The following XKR6 variants were observed in gnomAD, a reference collection of about 807,000 sequenced individuals.
The protein encoded by XKR6 is XK related 6, also known as XK-related protein 6.
In XKR6, 22 loss-of-function variants were observed where a neutral mutation model predicts 56.7. That is an observed-to-expected ratio of 0.39 (90% confidence interval 0.28 to 0.55). The LOEUF (loss-of-function observed/expected upper bound fraction) is 0.55, where lower values mean the gene tolerates loss of function less well. XKR6 is among the 20% of genes least tolerant of loss of function. The pLI, the probability that XKR6 is intolerant of heterozygous loss-of-function variation, is 0.66. For synonymous variants in XKR6, 524 were observed against 387.8 expected (o/e 1.35, Z -4.13); for missense variants, 852 against 889.0 (o/e 0.96, Z 0.53).
intron 1 of XKR6, among the ~76,000 whole-genome samples, chr8:10,946,132 C>A (rs75202192): frequency 1.3e-5 from 2 of 152,082 alleles, no homozygotes; most frequent in Non-Finnish European, 2.9e-5. Flanking sequence ...ACACACACCT[C>A]CCTGTGTCAC....
At chr8:11,100,522 A>AGGAT (rs897099900) in intron 1 of XKR6, among the ~76,000 whole-genome samples, 44 of 152,184 alleles carry the variant, frequency 2.9e-4, no homozygotes, top group Non-Finnish European at 5.7e-4. Flanking sequence ...AGTGGCTGGG[A>AGGAT]GGATGGCACG....
intron 1 of XKR6, among the ~76,000 whole-genome samples, chr8:10,938,844 A>G (rs1263160156): frequency 6.6e-6 from 1 of 152,242 alleles, no homozygotes; most frequent in African/African-American, 2.4e-5. Context: ...ATTTTACTCT[A>G]TGTAAATGTT....
At chr8:11,010,930 A>G (rs1372203003) in intron 1 of XKR6, among the ~76,000 whole-genome samples, 32 of 152,212 alleles carry the variant, frequency 2.1e-4, no homozygotes, top group Non-Finnish European at 2.9e-5. Context: ...ACCGCTGGTT[A>G]TGTCAACTGT....
chr8:11,197,477 A>G (rs1563213703), intron 1 of XKR6, among the ~76,000 whole-genome samples: 1 of 152,218 alleles, frequency 6.6e-6, no homozygotes, highest in Non-Finnish European at 1.5e-5. Context: ...TCTATTAACA[A>G]CACATTGTAC....
intron 2 of XKR6, among the ~76,000 whole-genome samples, chr8:10,915,220 C>T (rs1216193774): frequency 1.3e-5 from 2 of 152,232 alleles, no homozygotes; most frequent in Admixed American, 6.5e-5. Flanking sequence ...TTTTTCATTG[C>T]TGTATCTGTC....
intron 1 of XKR6, among the ~76,000 whole-genome samples, chr8:11,011,433 G>C (rs1030768623): frequency 6.6e-6 from 1 of 152,216 alleles, no homozygotes; most frequent in African/African-American, 2.4e-5. Context: ...TGAGCACCAG[G>C]CTGAGGAGGG....
intron 1 of XKR6, among the ~76,000 whole-genome samples, chr8:11,166,273 T>C (rs1259420116): frequency 6.6e-6 from 1 of 152,206 alleles, no homozygotes; most frequent in Non-Finnish European, 1.5e-5. Context: ...TTATCGCTGC[T>C]TTGGGTCATT....
At chr8:11,002,659 C>T (rs543873421) in intron 1 of XKR6, among the ~76,000 whole-genome samples, 3 of 152,340 alleles carry the variant, frequency 2.0e-5, no homozygotes, top group African/African-American at 7.2e-5. Flanking sequence ...ATCATTCTCA[C>T]CACGCCAACC....
intron 1 of XKR6, among the ~76,000 whole-genome samples, chr8:11,156,152 C>T (rs954853491): frequency 6.6e-6 from 1 of 152,148 alleles, no homozygotes; most frequent in South Asian, 2.1e-4. Flanking sequence ...ACATCCAGTC[C>T]CTTCCCTCTT....
At chr8:11,132,948 A>C (rs1470518657) in intron 1 of XKR6, among the ~76,000 whole-genome samples, 1 of 152,130 alleles carries the variant, frequency 6.6e-6, no homozygotes, top group African/African-American at 2.4e-5. Context: ...AAAAAGATAC[A>C]AGTAAAAAAG....
chr8:10,947,082 A>C (rs888647195), intron 1 of XKR6, among the ~76,000 whole-genome samples: 4 of 152,062 alleles, frequency 2.6e-5, no homozygotes, highest in African/African-American at 9.7e-5. Context: ...CAGGAGGCTC[A>C]CTCTGGCTGC....
At chr8:10,926,603 C>G (rs547671512) in intron 1 of XKR6, among the ~76,000 whole-genome samples, 1 of 152,366 alleles carries the variant, frequency 6.6e-6, no homozygotes, top group East Asian at 1.9e-4. Context: ...GTTGGGGCAC[C>G]AGGCCCCCCA....
At chr8:11,167,446 C>T (rs144294329) in intron 1 of XKR6, among the ~76,000 whole-genome samples, 283 of 152,286 alleles carry the variant, frequency 1.9e-3, no homozygotes, top group African/African-American at 6.5e-3. Context: ...ATGCTTAAAA[C>T]TCAAAACTCA....
At chr8:11,082,782 C>T (rs984693458) in intron 1 of XKR6, among the ~76,000 whole-genome samples, 8 of 152,174 alleles carry the variant, frequency 5.3e-5, no homozygotes, top group African/African-American at 9.7e-5. Context: ...GGGCCGTCCT[C>T]GAACACTCTC....
intron 2 of XKR6, among the ~76,000 whole-genome samples, chr8:10,899,263 C>A (rs1456394632): frequency 6.6e-6 from 1 of 152,252 alleles, no homozygotes; most frequent in Non-Finnish European, 1.5e-5. Context: ...ATTCTTGTGG[C>A]ACACAGATGT....
intron 1 of XKR6, chr8:11,128,947 C>A (rs530067115): frequency 1.6e-4 from 73 of 456,550 alleles, no homozygotes; most frequent in Non-Finnish European, 2.9e-4. Flanking sequence ...ATAAAGCAGC[C>A]AGAAAGTCTT....
At chr8:11,118,546 T>G (rs984294063) in intron 1 of XKR6, among the ~76,000 whole-genome samples, 1 of 152,254 alleles carries the variant, frequency 6.6e-6, no homozygotes, top group African/African-American at 2.4e-5. Context: ...GGAGAGTGTA[T>G]GTGTCAAGGC....
chr8:11,053,057 C>A (rs1022460852), intron 1 of XKR6, among the ~76,000 whole-genome samples: 1 of 152,172 alleles, frequency 6.6e-6, no homozygotes, highest in Non-Finnish European at 1.5e-5. Flanking sequence ...GCTGACCCCC[C>A]CACGCGCCAC....
At chr8:10,957,621 G>A (rs1244385967) in intron 1 of XKR6, among the ~76,000 whole-genome samples, 1 of 152,178 alleles carries the variant, frequency 6.6e-6, no homozygotes, top group Non-Finnish European at 1.5e-5. Flanking sequence ...AGACTGCAGG[G>A]CAGATGGAGC....
Sources: gnomAD v4.1 joint callset for allele counts (sites outside exome capture counted in the v4.1 genomes callset) on GRCh38, gnomAD v4.1.1 for gene constraint, MANE v1.5 for transcripts, NCBI Gene and HGNC (gene_info 2026-07-23, HGNC 2026-07-21) for gene names.